The following KCNT2 variants were observed in gnomAD, a reference collection of about 807,000 sequenced individuals.
The protein encoded by KCNT2 is potassium sodium-activated channel subfamily T member 2, also known as potassium channel subfamily T member 2.
In KCNT2, 67 loss-of-function variants were observed where a neutral mutation model predicts 153.8. That is an observed-to-expected ratio of 0.44 (90% confidence interval 0.36 to 0.53). The LOEUF is 0.53. KCNT2 is among the 20% of genes least tolerant of loss of function. KCNT2 has a pLI of 0.00. For synonymous variants in KCNT2, 500 were observed against 458.8 expected (o/e 1.09, Z -1.15); for missense variants, 975 against 1,354.8 (o/e 0.72, Z 4.40).
intron 13 of KCNT2, among the ~76,000 whole-genome samples, chr1:196,383,231 G>T (rs559560422): frequency 2.6e-5 from 4 of 152,148 alleles, no homozygotes; most frequent in Non-Finnish European, 5.9e-5. Context: ...AGAAAGAACA[G>T]GTCGTAACCC....
At chr1:196,277,926 T>G (rs1658729058) in intron 25 of KCNT2, among the ~76,000 whole-genome samples, 1 of 152,134 alleles carries the variant, frequency 6.6e-6, no homozygotes, top group Non-Finnish European at 1.5e-5. Flanking sequence ...TTGATATCCC[T>G]TCCTACTTTT....
rs1572649266 is a variant in KCNT2 at position 196,499,520 on chromosome 1, T to A, written c.96-7179A>T. On this transcript the variant is annotated intron_variant, in intron 1 of 27. Coordinates refer to ENST00000294725, the MANE Select transcript of KCNT2 (RefSeq NM_198503.5). ...ATGAAGGCATAATGTGGTAGCCAATTTTTTCTTTGGTACAAACCATGAGGA... is the reference window on the plus strand; with the variant it reads ...ATGAAGGCATAATGTGGTAGCCAATATTTTCTTTGGTACAAACCATGAGGA... Among the ~76,000 whole-genome samples, 3 of 152,194 alleles carry A rather than the reference T, an allele frequency of 2.0e-5. No individual in the cohort carries two copies. The South Asian group carries it at 6.2e-4, about 31-fold the overall frequency.
At chr1:196,382,665 A>C (rs1386612570) in intron 13 of KCNT2, among the ~76,000 whole-genome samples, 2 of 152,196 alleles carry the variant, frequency 1.3e-5, no homozygotes, top group Non-Finnish European at 2.9e-5. Context: ...AGCAGGAAGC[A>C]ATAAGTGAAC....
chr1:196,282,758 AGTG>A (rs1349334691), intron 23 of KCNT2, among the ~76,000 whole-genome samples: 1 of 152,238 alleles, frequency 6.6e-6, no homozygotes, highest in Non-Finnish European at 1.5e-5. Flanking sequence ...GCTCTAAGCT[AGTG>A]AAGTAAATTT....
At chr1:196,592,551 T>C (rs996965911) in intron 1 of KCNT2, among the ~76,000 whole-genome samples, 2 of 147,468 alleles carry the variant, frequency 1.4e-5, no homozygotes, top group Non-Finnish European at 3.0e-5. Context: ...TATAAATATA[T>C]AAATGTATTT....
chr1:196,322,704 C>T (rs1259015878), intron 19 of KCNT2, among the ~76,000 whole-genome samples: 1 of 151,798 alleles, frequency 6.6e-6, no homozygotes, highest in Non-Finnish European at 1.5e-5. Flanking sequence ...TCCCATTTAA[C>T]TAATAACAAT....
intron 1 of KCNT2, among the ~76,000 whole-genome samples, chr1:196,575,807 G>A (rs12134831): frequency 0.052 from 7,856 of 151,194 alleles, 693 homozygotes; most frequent in African/African-American, 0.18. Flanking sequence ...GTGAAACCCG[G>A]TCTCTACTAA....
chr1:196,256,023 C>G (rs1442415017), intron 26 of KCNT2, among the ~76,000 whole-genome samples: 1 of 151,874 alleles, frequency 6.6e-6, no homozygotes, highest in Non-Finnish European at 1.5e-5. Flanking sequence ...TCTCAAAAGG[C>G]AAATAAAATG....
At chr1:196,505,679 T>G in intron 1 of KCNT2, among the ~76,000 whole-genome samples, 1 of 152,138 alleles carries the variant, frequency 6.6e-6, no homozygotes, top group Middle Eastern at 3.2e-3. Context: ...TTGGGCAGTA[T>G]GGACATTTTC....
At chr1:196,457,393 A>T (rs1214012680) in intron 8 of KCNT2, among the ~76,000 whole-genome samples, 1 of 151,846 alleles carries the variant, frequency 6.6e-6, no homozygotes, top group African/African-American at 2.4e-5. Flanking sequence ...TAGAGCAGTT[A>T]AATGACATGA....
chr1:196,479,099 C>A, intron 5 of KCNT2, 80 bp downstream of exon 5: 2 of 929,866 alleles, frequency 2.2e-6, no homozygotes, highest in Non-Finnish European at 1.7e-6. Flanking sequence ...CCTTCCAGTG[C>A]GAACTATAAA....
At chr1:196,534,365 A>G (rs1369683325) in intron 1 of KCNT2, among the ~76,000 whole-genome samples, 1 of 152,154 alleles carries the variant, frequency 6.6e-6, no homozygotes, top group East Asian at 1.9e-4. Context: ...CAGGTGCATT[A>G]CCTTAAACTT....
chr1:196,582,869 G>A (rs931949752), intron 1 of KCNT2, among the ~76,000 whole-genome samples: 13 of 151,976 alleles, frequency 8.6e-5, no homozygotes, highest in South Asian at 4.1e-4. Flanking sequence ...AATACAGATT[G>A]CATAGGATTA....
intron 12 of KCNT2, among the ~76,000 whole-genome samples, chr1:196,420,892 G>C (rs1318221986): frequency 2.0e-5 from 3 of 151,966 alleles, no homozygotes; most frequent in Non-Finnish European, 2.9e-5. Flanking sequence ...CTTTTACCAG[G>C]ATTAGGAAAG....
intron 1 of KCNT2, among the ~76,000 whole-genome samples, chr1:196,561,590 G>A (rs1051779088): frequency 3.6e-5 from 5 of 140,176 alleles, no homozygotes; most frequent in East Asian, 4.5e-4. Flanking sequence ...GAATGCTCAC[G>A]TTGCAGTGAG....
rs192962464 is a variant in KCNT2 at position 196,385,867 on chromosome 1, C to T, written c.1295-12619G>A. The stretch of plus-strand genomic sequence containing the variant: ...CTGTGGTAGCCAGCCTCCAGGATTG[C>T]CCCAAATAACTCTTACATGCTGGTA... On this transcript the variant is annotated intron_variant, in intron 13 of 27. Coordinates refer to ENST00000294725, the MANE Select transcript of KCNT2 (RefSeq NM_198503.5). Among the ~76,000 whole-genome samples the T allele has an allele frequency of 2.6e-5, 4 of 151,848 alleles. No homozygotes were observed. In the East Asian group the frequency reaches 7.8e-4, roughly 30 times the overall value.
chr1:196,595,396 A>T (rs1250416844), intron 1 of KCNT2, among the ~76,000 whole-genome samples: 7 of 152,114 alleles, frequency 4.6e-5, no homozygotes, highest in Non-Finnish European at 1.0e-4. Flanking sequence ...CTTAGCAACC[A>T]GAAGTTGGCT....
At chr1:196,581,274 A>G (rs943083510) in intron 1 of KCNT2, among the ~76,000 whole-genome samples, 6 of 152,074 alleles carry the variant, frequency 3.9e-5, no homozygotes, top group African/African-American at 1.2e-4. Flanking sequence ...CTTACATGAT[A>G]CTTGAGGAGT....
chr1:196,528,641 A>G (rs1489927673), intron 1 of KCNT2, among the ~76,000 whole-genome samples: 9 of 152,180 alleles, frequency 5.9e-5, no homozygotes, highest in Non-Finnish European at 1.3e-4. Context: ...TTGATCGTAA[A>G]AAAACAGAAT....
Sources: allele counts gnomAD v4.1 joint callset (sites outside exome capture counted in the v4.1 genomes callset), GRCh38; gene constraint gnomAD v4.1.1; transcripts MANE v1.5; gene names NCBI Gene and HGNC (gene_info 2026-07-23, HGNC 2026-07-21).